NFIL3: variants seen among roughly 807,000 people sequenced by gnomAD.
NFIL3 encodes nuclear factor, interleukin 3 regulated.
In NFIL3, 5 loss-of-function variants were observed where a neutral mutation model predicts 10.0. The observed-to-expected ratio is 0.50, with a 90% CI of 0.26 to 1.06. NFIL3 has a LOEUF of 1.06. Among genes scored for constraint, NFIL3 ranks in the 50% least tolerant of loss-of-function variants. NFIL3 has a pLI of 0.13. For synonymous variants in NFIL3, 202 were observed against 206.5 expected (o/e 0.98, Z 0.19); for missense variants, 436 against 547.6 (o/e 0.80, Z 2.03).
At chr9:91,414,128 C>T (rs1833607797) in intron 1 of NFIL3, among the ~76,000 whole-genome samples, 1 of 152,220 alleles carries the variant, frequency 6.6e-6, no homozygotes, top group South Asian at 2.1e-4. Flanking sequence ...CTCATGTCTT[C>T]TAGGTGTCTA....
chr9:91,427,643 G>A (rs111657871), upstream of NFIL3, among the ~76,000 whole-genome samples: 8 of 135,836 alleles, frequency 5.9e-5, no homozygotes, highest in African/African-American at 2.3e-4. Flanking sequence ...TGTTGTTGTT[G>A]TTGTTTTTGT....
chr9:91,439,929 G>T, the NFIL3 span, among the ~76,000 whole-genome samples: 1 of 152,046 alleles, frequency 6.6e-6, no homozygotes, highest in African/African-American at 2.4e-5. Flanking sequence ...ATTTAATTGA[G>T]AATTTTTTGC....
chr9:91,423,357 T>C (rs1216897761), intron 1 of NFIL3, among the ~76,000 whole-genome samples: 1 of 152,098 alleles, frequency 6.6e-6, no homozygotes, highest in African/African-American at 2.4e-5. Context: ...CAGGAGACAT[T>C]ATGCAACAGC....
chr9:91,424,957 AGTC>A (rs1238030299), upstream of NFIL3, among the ~76,000 whole-genome samples: 2 of 152,236 alleles, frequency 1.3e-5, no homozygotes, highest in East Asian at 3.9e-4. Context: ...CGACTTCTTA[AGTC>A]GTCGCGCTAG....
At chr9:91,469,230 T>C in the NFIL3 span, among the ~76,000 whole-genome samples, 1 of 152,246 alleles carries the variant, frequency 6.6e-6, no homozygotes, top group African/African-American at 2.4e-5. Context: ...TGGTTCTTCT[T>C]GAAGAGGTCC....
the NFIL3 span, among the ~76,000 whole-genome samples, chr9:91,441,935 T>TCACAACACC: frequency 5.5e-3 from 833 of 152,354 alleles, 5 homozygotes; most frequent in Admixed American, 0.011. Flanking sequence ...ATAGCACCAT[T>TCACAACACC]ATAGTGTTGG....
chr9:91,419,331 G>A (rs1833715472), intron 1 of NFIL3, among the ~76,000 whole-genome samples: 1 of 152,106 alleles, frequency 6.6e-6, no homozygotes, highest in South Asian at 2.1e-4. Context: ...TGCTGCAATC[G>A]CATTTACATC....
the NFIL3 span, among the ~76,000 whole-genome samples, chr9:91,481,206 A>C: frequency 1.3e-5 from 2 of 152,224 alleles, no homozygotes; most frequent in African/African-American, 4.8e-5. Context: ...TATAGACCTT[A>C]TTCTTTCATT....
At position 91,409,690 on chromosome 9, in the gene NFIL3, G is replaced by C. The variant is rs1280961777; in HGVS notation, c.1045C>G (p.Gln349Glu). 6 of 1,614,032 alleles carry C rather than the reference G, an allele frequency of 3.7e-6. No homozygotes were observed. Among genetic ancestry groups the C allele is most frequent in the Non-Finnish European group, 5.1e-6 (6 of 1,180,022 alleles). ...ATGTCAATAGGTGAGGAAAGTTTTT[G>C]CGTGGCCTCAAATTCATTATCAAAG... ...EAFDNEFEATQKLSSPIDMTS... is the reference protein window; with the variant it reads ...EAFDNEFEATEKLSSPIDMTS... Residue 349 changes from glutamine to glutamate, a missense_variant, in exon 2 of 2, where the codon CAA becomes GAA. Physicochemically the swap from Gln to Glu is conservative, Grantham distance 29 (BLOSUM62 2). Coordinates refer to ENST00000297689, the MANE Select transcript of NFIL3 (RefSeq NM_005384.3).
At chr9:91,417,139 T>C (rs1255371722) in intron 1 of NFIL3, among the ~76,000 whole-genome samples, 1 of 152,202 alleles carries the variant, frequency 6.6e-6, no homozygotes, top group Non-Finnish European at 1.5e-5. Flanking sequence ...AATTGCAATA[T>C]ATATTTTGTT....
the NFIL3 span, among the ~76,000 whole-genome samples, chr9:91,472,589 C>T: frequency 6.6e-6 from 1 of 152,122 alleles, no homozygotes; most frequent in Non-Finnish European, 1.5e-5. Flanking sequence ...GCTGTTTATT[C>T]TAGTTAGCCA....
the NFIL3 span, among the ~76,000 whole-genome samples, chr9:91,431,696 TG>T: frequency 6.6e-6 from 1 of 152,308 alleles, no homozygotes; most frequent in Non-Finnish European, 1.5e-5. Flanking sequence ...TGTCTGTACT[TG>T]GGCTATGCTG....
rs998307588 is a variant in NFIL3 at position 91,409,740 on chromosome 9, T to C, written c.995A>G (p.Lys332Arg). The C allele has an allele frequency of 6.2e-7, 1 of 1,614,102 alleles. No individual in the cohort carries two copies. Among genetic ancestry groups the C allele is most frequent in the African/African-American group, 1.3e-5 (1 of 74,934 alleles). ...ALPHKLRIKA[K>R]AMQIKVEAFD... ...GGCTTCTACTTTGATCTGCATGGCT[T>C]TGGCTTTGATCCGGAGCTTGTGTGG... is the stretch of plus-strand genomic sequence containing the variant. Residue 332 changes from lysine to arginine, a missense_variant, in exon 2 of 2, where the codon AAA becomes AGA. Lys to Arg is a conservative substitution (Grantham distance 26). This residue lies in a region of NFIL3 where 338 missense variants were observed against 399.9 expected (regional missense o/e 0.85). Transcript: ENST00000297689.
the NFIL3 span, among the ~76,000 whole-genome samples, chr9:91,481,142 G>A: frequency 1.3e-5 from 2 of 152,184 alleles, no homozygotes; most frequent in Non-Finnish European, 1.5e-5. Context: ...AGCTAACAAC[G>A]ATTCTTAGCC....
intron 1 of NFIL3, among the ~76,000 whole-genome samples, chr9:91,415,913 C>T (rs1055522223): frequency 3.9e-5 from 6 of 152,282 alleles, no homozygotes; most frequent in Admixed American, 2.6e-4. Context: ...AGGCGTGAGC[C>T]GTCACGCCTG....
chr9:91,410,354 A>C lies in NFIL3; in HGVS notation c.381T>G (p.Gly127=), dbSNP rs1833522575. 6.2e-7 allele frequency: 1 copy of C among 1,613,842 alleles called. No individual in the cohort carries two copies. The highest frequency in any genetic ancestry group is 8.5e-7 in the Non-Finnish European group (1 of 1,179,982). Reference sequence around the variant, plus strand: ...GAGCATATGCTGTGGAGCTAATTAAACCAAACTTTAATTTTAGTGAAAGCA... The same window carrying C: ...GAGCATATGCTGTGGAGCTAATTAACCCAAACTTTAATTTTAGTGAAAGCA... The part of the protein sequence containing the change: ...AELLSLKLKF[G]LISSTAYAQE... Residue 127 remains glycine, a synonymous_variant, in exon 2 of 2, where the codon GGT becomes GGG. Coordinates refer to ENST00000297689, the MANE Select transcript of NFIL3 (RefSeq NM_005384.3). This position sits in a 1 kb window ranked among gnomAD's most constrained non-coding sequence, Gnocchi z 5.7.
the NFIL3 span, among the ~76,000 whole-genome samples, chr9:91,450,462 AT>A: frequency 2.0e-5 from 3 of 152,228 alleles, no homozygotes; most frequent in Admixed American, 6.5e-5. Flanking sequence ...TTTTTGACCC[AT>A]TGGTTATATA....
chr9:91,425,947 A>G (rs1461311067), upstream of NFIL3, among the ~76,000 whole-genome samples: 1 of 151,742 alleles, frequency 6.6e-6, no homozygotes, highest in Non-Finnish European at 1.5e-5. Flanking sequence ...TGCATAATCT[A>G]CCCTCCCCTT....
the NFIL3 span, among the ~76,000 whole-genome samples, chr9:91,453,856 G>C: frequency 2.0e-5 from 3 of 152,012 alleles, no homozygotes; most frequent in Non-Finnish European, 4.4e-5. Flanking sequence ...TTCTGGTTTT[G>C]TGTGTCATGT....
Sources: allele counts gnomAD v4.1 joint callset (sites outside exome capture counted in the v4.1 genomes callset), GRCh38; gene constraint gnomAD v4.1.1; regional missense constraint gnomAD v4.1.1; non-coding constraint Gnocchi (gnomAD v3.1); transcripts MANE v1.5; gene names NCBI Gene and HGNC (gene_info 2026-07-23, HGNC 2026-07-21).